The following MYBPH variants were observed in gnomAD, a reference collection of about 807,000 sequenced individuals.
MYBPH encodes myosin binding protein H.
Under a neutral mutation model 53.6 loss-of-function variants are expected in MYBPH, and 49 were observed. The observed-to-expected ratio is 0.91, with a 90% CI of 0.73 to 1.16. The LOEUF is 1.16. Ranked by LOEUF, MYBPH falls within the 50% of genes most tolerant of loss-of-function variation. MYBPH has a pLI of 0.00. For synonymous variants in MYBPH, 239 were observed against 249.6 expected, an observed-to-expected ratio of 0.96 and a Z score of 0.40; for missense variants, 558 against 624.1, an observed-to-expected ratio of 0.89 and a Z score of 1.13.
Position 203,169,180 on chromosome 1 carries a change from C to T in MYBPH, c.1230+73G>A, listed in dbSNP as rs1054913020. On this transcript the variant is annotated intron_variant, in intron 8 of 10. Transcript: ENST00000255416. ...ATCCCCAGGCTTAGGTGTGGACGCCCGGAGGATTCCTCAGCCCTGCTGTCC... is the reference window on the plus strand; with the variant it reads ...ATCCCCAGGCTTAGGTGTGGACGCCTGGAGGATTCCTCAGCCCTGCTGTCC... 86 of 1,577,012 alleles carry T rather than the reference C, an allele frequency of 5.5e-5. No homozygotes were observed. In the Admixed American group the frequency reaches 1.2e-3, roughly 21 times the overall value.
In MYBPH at chr1:203,168,484, G is replaced by A. The variant is rs77732872; in HGVS notation, c.*32+143C>T. The A allele has an allele frequency of 1.8e-3, 1,392 of 779,232 alleles. 7 individuals carry two copies. In the African/African-American group the frequency reaches 0.02, roughly 11 times the overall value. 48.3% of individuals were successfully genotyped at this position (779,232 alleles called of 1,614,324 possible). ...CATCACTGTGAGTCTCTGGACATGC[G>A]TGCTAGTTGCCTGTGTCCACAAGTT... On this transcript the variant is annotated intron_variant, in intron 10 of 10. Coordinates refer to ENST00000255416, the MANE Select transcript of MYBPH (RefSeq NM_004997.3).
chr1:203,170,574 G>T, intron 6 of MYBPH, 124 bp from the exon 7 acceptor site: 1 of 1,276,834 alleles, frequency 7.8e-7, no homozygotes, highest in Non-Finnish European at 1.1e-6. Flanking sequence ...GAACCATCCA[G>T]CTTTGGGCCT....
At position 203,169,380 on chromosome 1, in the gene MYBPH, G is replaced by A. The variant is rs925432930; in HGVS notation, c.1103C>T (p.Ala368Val). ...TCGCTCAATAAACCCTTTAGGTTTG[G>A]CAGCAATATCTGGGTTCAGGGGAGA... is the stretch of plus-strand genomic sequence containing the variant. ...LAHIQKADIA[A>V]KPKGFIERDF... The change falls in exon 8 of 11, where the codon GCC (alanine) becomes GTC (valine). Residue 368 changes from alanine to valine, a missense_variant. Physicochemically the swap from Ala to Val is moderately conservative, Grantham distance 64. Coordinates refer to ENST00000255416, the MANE Select transcript of MYBPH (RefSeq NM_004997.3). 3.8e-6 allele frequency: 6 copies of A among 1,573,964 alleles called. No homozygotes were observed. Among genetic ancestry groups the A allele is most frequent in the Non-Finnish European group, 5.2e-6 (6 of 1,158,298 alleles).
intron 3 of MYBPH, 109 bp from the exon 4 acceptor site, chr1:203,172,149 C>G: frequency 1.7e-6 from 1 of 599,962 alleles, no homozygotes; most frequent in Non-Finnish European, 2.5e-6. Flanking sequence ...GGAGGAGGGT[C>G]CTGGGTGTGC....
upstream of MYBPH, among the ~76,000 whole-genome samples, chr1:203,177,983 T>G (rs1655847770): frequency 6.6e-6 from 1 of 152,248 alleles, no homozygotes; most frequent in South Asian, 2.1e-4. Context: ...ATTTCAGATA[T>G]TTCCTCCTTC....
chr1:203,170,824 T>C (rs1655680187), intron 6 of MYBPH, among the ~76,000 whole-genome samples: 1 of 152,184 alleles, frequency 6.6e-6, no homozygotes, highest in Non-Finnish European at 1.5e-5. Context: ...TTGAGAAGCA[T>C]GGCTCCAGAA....
At chr1:203,176,254 C>T (rs1054081545), upstream of MYBPH, among the ~76,000 whole-genome samples, 3 of 152,222 alleles carry the variant, frequency 2.0e-5, no homozygotes, top group African/African-American at 4.8e-5. Context: ...TGAGCACTCC[C>T]AGCTTTGCCT....
In MYBPH at chr1:203,170,242, G is replaced by A. The variant is rs778893200; in HGVS notation, c.1093+49C>T. ...GGGGTGCAGAGACGCGGAGGAAGAA[G>A]CAGAGACAGGGAGAGAGTTAGCACA... On this transcript the variant is annotated intron_variant, in intron 7 of 10. Transcript: ENST00000255416. 5.0e-6 allele frequency: 8 copies of A among 1,605,936 alleles called. No homozygotes were observed. In the South Asian group the frequency reaches 8.9e-5, roughly 18 times the overall value.
Position 203,174,442 on chromosome 1 carries a change from G to C in MYBPH, c.496C>G (p.Arg166Gly), listed in dbSNP as rs370317213. Reference sequence around the variant, plus strand: ...GGATGGGCTTTACCAATGTTCTCTCGGATGTGGATGGGCTGGTCCAGCATG... The same window carrying C: ...GGATGGGCTTTACCAATGTTCTCTCCGATGTGGATGGGCTGGTCCAGCATG... ...PAMLDQPIHI[R>G]ENIEAPKIRV... The change falls in exon 3 of 11, where the codon CGA (arginine) becomes GGA (glycine). Residue 166 changes from arginine to glycine, a missense_variant. Arg to Gly is a moderately radical substitution (Grantham distance 125, BLOSUM62 -2). Coordinates refer to ENST00000255416, the MANE Select transcript of MYBPH (RefSeq NM_004997.3). 2.5e-6 allele frequency: 4 copies of C among 1,592,414 alleles called. No individual in the cohort carries two copies. Among genetic ancestry groups the C allele is most frequent in the Admixed American group, 1.7e-5 (1 of 58,818 alleles).
intron 3 of MYBPH, among the ~76,000 whole-genome samples, chr1:203,172,916 C>T (rs1419189863): frequency 1.3e-5 from 2 of 152,166 alleles, no homozygotes; most frequent in Non-Finnish European, 2.9e-5. Flanking sequence ...TGAGGATTAG[C>T]TGAGTGGGCA....
In MYBPH at chr1:203,169,320, AGG is replaced by A. The variant is rs1469865646; in HGVS notation, c.1161_1162del (p.Leu388GlyfsTer2). 1.9e-6 allele frequency: 3 copies of A among 1,612,968 alleles called. No homozygotes were observed. The Admixed American group carries it at 5.0e-5, about 27-fold the overall frequency. On this transcript the variant is annotated frameshift_variant, in exon 8 of 11. Transcript: ENST00000255416. LOFTEE classifies it high-confidence loss of function. ...GCCAGGGGTGGAGGTGTGGTCAGCCAGGGGCTGGGTGAATGAGGGGGCTTCTG... is the reference window on the plus strand; with the variant it reads ...GCCAGGGGTGGAGGTGTGGTCAGCCAGGCTGGGTGAATGAGGGGGCTTCTG...
Position 203,171,489 on chromosome 1 carries a change from G to A in MYBPH, c.687C>T (p.Ser229=), listed in dbSNP as rs1358503291. 1 of 1,613,934 alleles carries A rather than the reference G, an allele frequency of 6.2e-7. No individual in the cohort carries two copies. The highest frequency in any genetic ancestry group is 1.7e-5 in the Admixed American group (1 of 60,032). The change falls in exon 5 of 11, where the codon TCC becomes TCT. Residue 229 remains serine, a synonymous_variant. Transcript: ENST00000255416. This position sits in a 1 kb window ranked among gnomAD's most constrained non-coding sequence, Gnocchi z 4.2. ...RVSMRTGDQD[S]ILFIRSAQRS... Reference sequence around the variant, plus strand: ...GCTGGGCCGAGCGAATGAAGAGGATGGAGTCCTGGTCCCCGGTGCGCATGC... The same window carrying A: ...GCTGGGCCGAGCGAATGAAGAGGATAGAGTCCTGGTCCCCGGTGCGCATGC...
At chr1:203,175,112 G>T (rs1170519559) in intron 2 of MYBPH, among the ~76,000 whole-genome samples, 1 of 151,544 alleles carries the variant, frequency 6.6e-6, no homozygotes, top group African/African-American at 2.4e-5. Context: ...TGGAGCTGAG[G>T]ACAAGGGAGC....
rs895151647 is a variant in MYBPH at position 203,170,534 on chromosome 1, C to T, written c.934-84G>A. The T allele has an allele frequency of 1.6e-5, 24 of 1,517,100 alleles. No individual in the cohort carries two copies. The East Asian group carries it at 2.3e-4, about 14-fold the overall frequency. 94.0% of individuals were successfully genotyped at this position (1,517,100 alleles called of 1,614,324 possible). ...CCCTGGAGACCTTTCCTCACAGGAA[C>T]TCATTCCATGCCCCCAACCTTAGGA... is the stretch of plus-strand genomic sequence containing the variant. On this transcript the variant is annotated intron_variant, in intron 6 of 10. Coordinates refer to ENST00000255416, the MANE Select transcript of MYBPH (RefSeq NM_004997.3).
At chr1:203,173,527 A>G (rs970835515) in intron 3 of MYBPH, among the ~76,000 whole-genome samples, 2 of 152,338 alleles carry the variant, frequency 1.3e-5, no homozygotes, top group Admixed American at 6.5e-5. Context: ...TTGATAATCT[A>G]TGAATCTAAG....
In MYBPH at chr1:203,175,380, C is replaced by A. The variant is rs1655786571; in HGVS notation, c.287G>T (p.Arg96Met). The A allele has an allele frequency of 1.3e-6, 2 of 1,532,852 alleles. No individual in the cohort carries two copies. Among genetic ancestry groups the A allele is most frequent in the South Asian group, 2.6e-5 (2 of 76,996 alleles). 95.0% of individuals were successfully genotyped at this position (1,532,852 alleles called of 1,614,324 possible). The change falls in exon 2 of 11, where the codon AGG (arginine) becomes ATG (methionine). Residue 96 changes from arginine to methionine, a missense_variant. Physicochemically the swap from Arg to Met is moderately conservative, Grantham distance 91. Coordinates refer to ENST00000255416, the MANE Select transcript of MYBPH (RefSeq NM_004997.3). Reference sequence around the variant, plus strand: ...GCCCTGGAGGCCCAGCCTCCCCAGCCTCTCTGGGGGCTCCCAGCTCACAGT... The same window carrying A: ...GCCCTGGAGGCCCAGCCTCCCCAGCATCTCTGGGGGCTCCCAGCTCACAGT... ...SVTVSWEPPERLGRLGLQGYV... is the reference protein window; with the variant it reads ...SVTVSWEPPEMLGRLGLQGYV...
chr1:203,169,240 C>A lies in MYBPH; in HGVS notation c.1230+13G>T. 1 of 1,597,170 alleles carries A rather than the reference C, an allele frequency of 6.3e-7. No individual in the cohort carries two copies. Among genetic ancestry groups the A allele is most frequent in the South Asian group, 1.1e-5 (1 of 87,220 alleles). ...CCCACCAGCCCAGGGCACAACAGGG[C>A]CTGGCCCCTCACCTTGGGTGAAGCT... On this transcript the variant is annotated intron_variant, in intron 8 of 10. Coordinates refer to ENST00000255416, the MANE Select transcript of MYBPH (RefSeq NM_004997.3).
At position 203,175,379 on chromosome 1, in the gene MYBPH, C is replaced by G. The variant is rs1315314857; in HGVS notation, c.288G>C (p.Arg96Ser). 2 of 1,532,386 alleles carry G rather than the reference C, an allele frequency of 1.3e-6. No individual in the cohort carries two copies. Among genetic ancestry groups the G allele is most frequent in the Admixed American group, 2.2e-5 (1 of 46,294 alleles). 94.9% of individuals were successfully genotyped at this position (1,532,386 alleles called of 1,614,324 possible). A position where few individuals can be genotyped will look rare whatever the true frequency, so the allele number is the denominator to read the frequency against. Residue 96 changes from arginine to serine, a missense_variant, in exon 2 of 11, where the codon AGG becomes AGC. By Grantham distance (110) the Arg-to-Ser change is moderately radical. Coordinates refer to ENST00000255416, the MANE Select transcript of MYBPH (RefSeq NM_004997.3). ...AGCCCTGGAGGCCCAGCCTCCCCAG[C>G]CTCTCTGGGGGCTCCCAGCTCACAG... ...SVTVSWEPPE[R>S]LGRLGLQGYV...
Position 203,171,924 on chromosome 1 carries a change from T to G in MYBPH, c.597+28A>C. 8 of 1,297,118 alleles carry G rather than the reference T, an allele frequency of 6.2e-6. No homozygotes were observed. Among genetic ancestry groups the G allele is most frequent in the Non-Finnish European group, 7.9e-6 (8 of 1,010,378 alleles). The allele number at this position is 1,297,118 out of a possible 1,614,324, so 80.4% of individuals were successfully genotyped here. Reference sequence around the variant, plus strand: ...TGGGGGCCCTGGTTCCCACCCAGGCTGTTACCCTTGGTGGGGGTAATACCC... The same window carrying G: ...TGGGGGCCCTGGTTCCCACCCAGGCGGTTACCCTTGGTGGGGGTAATACCC... On this transcript the variant is annotated intron_variant, in intron 4 of 10. Transcript: ENST00000255416. This position sits in a 1 kb window ranked among gnomAD's most constrained non-coding sequence, Gnocchi z 4.2.
Sources: allele counts gnomAD v4.1 joint callset (sites outside exome capture counted in the v4.1 genomes callset), GRCh38; gene constraint gnomAD v4.1.1; non-coding constraint Gnocchi (gnomAD v3.1); transcripts MANE v1.5; gene names NCBI Gene and HGNC (gene_info 2026-07-23, HGNC 2026-07-21).